The following TAFA3 variants were observed in gnomAD, a reference collection of about 807,000 sequenced individuals.
The protein encoded by TAFA3 is TAFA chemokine like family member 3, also known as chemokine-like protein TAFA-3.
In TAFA3, 17 loss-of-function variants were observed where a neutral mutation model predicts 20.7. The ratio of observed to expected loss-of-function variants is 0.82; its 90% CI spans 0.56 to 1.23. The LOEUF is 1.23. Ranked by LOEUF, TAFA3 falls within the 50% of genes most tolerant of loss-of-function variation. The probability of loss-of-function intolerance (pLI) is 0.00; values close to 1 mark genes in which losing one functional copy is unlikely to be tolerated. For synonymous variants in TAFA3, 74 were observed against 71.8 expected (o/e 1.03, Z -0.16); for missense variants, 174 against 172.8 (o/e 1.01, Z -0.04).
intron 3 of TAFA3, among the ~76,000 whole-genome samples, chr1:112,722,645 C>G (rs1248722584): frequency 6.6e-6 from 1 of 152,102 alleles, no homozygotes; most frequent in East Asian, 1.9e-4. Flanking sequence ...TGGCCTAATT[C>G]TATGGTTTTC....
At chr1:112,722,106 G>A (rs1025041375) in intron 2 of TAFA3, 127 bp from the exon 3 acceptor site, 16 of 910,694 alleles carry the variant, frequency 1.8e-5, no homozygotes, top group Non-Finnish European at 2.6e-5. Flanking sequence ...GTCGAAAGAT[G>A]CCTGGGGACA....
intron 4 of TAFA3, among the ~76,000 whole-genome samples, chr1:112,723,735 G>A (rs949290985): frequency 1.3e-5 from 2 of 152,220 alleles, no homozygotes; most frequent in Admixed American, 1.3e-4. Flanking sequence ...ATCGATGCTA[G>A]TGACATGGTC....
chr1:112,725,691 C>T (rs1195788694), intron 5 of TAFA3, among the ~76,000 whole-genome samples: 1 of 152,160 alleles, frequency 6.6e-6, no homozygotes, highest in African/African-American at 2.4e-5. Context: ...TTATCAAACT[C>T]GTTAGCAGCT....
chr1:112,723,163 A>G lies in TAFA3; in HGVS notation c.263A>G (p.Asp88Gly), dbSNP rs1268288384. 6.2e-7 allele frequency: 1 copy of G among 1,612,308 alleles called. No individual in the cohort carries two copies. Among genetic ancestry groups the G allele is most frequent in the Non-Finnish European group, 8.5e-7 (1 of 1,179,634 alleles). The part of the protein sequence containing the change: ...GTTRAKPSCV[D>G]ASIVLQRWWC... ...ACGCGGGCAAAGCCCTCCTGCGTGG[A>G]CGGTGAGTGAGAGGCCAGGACCCGG... The change falls in exon 4 of 6, where the codon GAC becomes GGC. Residue 88 changes from aspartate (D) to glycine (G), a missense_variant and splice_region_variant. Coordinates refer to ENST00000361886, the MANE Select transcript of TAFA3 (RefSeq NM_182759.3).
At chr1:112,719,558 G>A (rs941763634) in intron 1 of TAFA3, among the ~76,000 whole-genome samples, 2 of 152,046 alleles carry the variant, frequency 1.3e-5, no homozygotes, top group African/African-American at 4.8e-5. Context: ...AGGGAGGGAG[G>A]GAATAGAATG....
In TAFA3 at chr1:112,719,311, G is replaced by A. The variant is rs557340512; in HGVS notation, c.-60+12G>A. Among the ~76,000 whole-genome samples the A allele has an allele frequency of 6.6e-6, 1 of 152,360 alleles. No homozygotes were observed. Among genetic ancestry groups the A allele is most frequent in the East Asian group, 1.9e-4 (1 of 5,176 alleles). On this transcript the variant is annotated intron_variant, in intron 1 of 5. Coordinates refer to ENST00000361886, the MANE Select transcript of TAFA3 (RefSeq NM_182759.3). ...TCACCGTGGACCAGGTAGGTCCCAG[G>A]TGTGGGGGCTCAGAATGTGGAGGAA... is the stretch of plus-strand genomic sequence containing the variant.
intron 1 of TAFA3, among the ~76,000 whole-genome samples, 71 bp downstream of exon 1, chr1:112,719,370 A>T (rs944907697): frequency 6.6e-6 from 1 of 152,200 alleles, no homozygotes; most frequent in Non-Finnish European, 1.5e-5. Flanking sequence ...TGGGGAGAGA[A>T]GGTGAAGAAA....
At chr1:112,723,898 C>A (rs1425095778) in intron 4 of TAFA3, 115 bp from the exon 5 acceptor site, 3 of 1,603,510 alleles carry the variant, frequency 1.9e-6, no homozygotes, top group Non-Finnish European at 2.6e-6. Flanking sequence ...AAGGGAAATG[C>A]ATGGCTCAAG....
intron 4 of TAFA3, 106 bp from the exon 5 acceptor site, chr1:112,723,907 A>G (rs1190172799): frequency 6.2e-7 from 1 of 1,608,816 alleles, no homozygotes; most frequent in Admixed American, 1.7e-5. Flanking sequence ...GCATGGCTCA[A>G]GGCCAGGGGT....
chr1:112,721,889 T>G (rs1675337295), intron 2 of TAFA3, among the ~76,000 whole-genome samples: 1 of 152,208 alleles, frequency 6.6e-6, no homozygotes, highest in Non-Finnish European at 1.5e-5. Context: ...TGTAGGACAG[T>G]TGTGAAGAAT....
chr1:112,722,339 A>G lies in TAFA3; in HGVS notation c.106A>G (p.Thr36Ala), dbSNP rs1290898194. 1.2e-6 allele frequency: 2 copies of G among 1,613,238 alleles called. No individual in the cohort carries two copies. The highest frequency in any genetic ancestry group is 1.7e-6 in the Non-Finnish European group (2 of 1,179,906). ...GACCTTGGCTGCCTTGCAGCCTCCC[A>G]CTGCCACAGGTTTGGAGGAGGTGGC... ...HLTLAALQPP[T>A]ATVLVQQGTC... Residue 36 changes from threonine (T) to alanine (A), a missense_variant, in exon 3 of 6, where the codon ACT (threonine) becomes GCT (alanine). By Grantham distance (58) the Thr-to-Ala change is moderately conservative (BLOSUM62 0). Coordinates refer to ENST00000361886, the MANE Select transcript of TAFA3 (RefSeq NM_182759.3).
chr1:112,726,502 C>T, intron 5 of TAFA3, 127 bp from the exon 6 acceptor site: 1 of 943,216 alleles, frequency 1.1e-6, no homozygotes. Flanking sequence ...CCATTCCGGC[C>T]TGCTTTAGGG....
rs569820817 is a variant in TAFA3 at position 112,718,985 on chromosome 1, C to T, written c.-374C>T. Among the ~76,000 whole-genome samples, 882 of 152,312 alleles carry T rather than the reference C, an allele frequency of 5.8e-3. 8 individuals are homozygous for T. The highest frequency in any genetic ancestry group is 0.01 in the Middle Eastern group (3 of 292). ...CGGGGCGAGGCGGCGGTTGCGGCGG[C>T]GGCTGCGCGCTCCCCGGCCTGCCGG... On this transcript the variant is annotated 5_prime_UTR_variant, in exon 1 of 6. Coordinates refer to ENST00000361886, the MANE Select transcript of TAFA3 (RefSeq NM_182759.3).
rs116440679 is a variant in TAFA3 at position 112,727,076 on chromosome 1, A to G, written c.*436A>G. ...AAACAAGAGGTCACATTCAGCACCC[A>G]CCACCTCCCTCTTTCGCATCAGTTC... On this transcript the variant is annotated 3_prime_UTR_variant, in exon 6 of 6. Coordinates refer to ENST00000361886, the MANE Select transcript of TAFA3 (RefSeq NM_182759.3). The G allele has an allele frequency of 0.016, 2,789 of 177,370 alleles. 91 individuals carry two copies. The highest frequency in any genetic ancestry group is 0.063 in the African/African-American group (2,665 of 42,354). 11.0% of individuals were successfully genotyped at this position (177,370 alleles called of 1,614,324 possible). A position where few individuals can be genotyped will look rare whatever the true frequency, so the allele number is the denominator to read the frequency against.
At chr1:112,724,680 T>C (rs1675417880) in intron 5 of TAFA3, among the ~76,000 whole-genome samples, 1 of 147,986 alleles carries the variant, frequency 6.8e-6, no homozygotes, top group Non-Finnish European at 1.5e-5. Flanking sequence ...ATATACCTAA[T>C]GCTAGATGAC....
rs567383508 is a variant in TAFA3 at position 112,726,820 on chromosome 1, A to C, written c.*180A>C. 2.2e-5 allele frequency: 19 copies of C among 864,728 alleles called. No homozygotes were observed. In the African/African-American group the frequency reaches 2.5e-4, roughly 11 times the overall value. The allele number at this position is 864,728 out of a possible 1,614,324, so 53.6% of individuals were successfully genotyped here. The stretch of plus-strand genomic sequence containing the variant: ...AGCAGATATGGATGGATCTGCAATC[A>C]CATACCTAATGTGGAGCTGGGCTTT... On this transcript the variant is annotated 3_prime_UTR_variant, in exon 6 of 6. Transcript: ENST00000361886.
Position 112,727,037 on chromosome 1 carries a change from G to A in TAFA3, c.*397G>A, listed in dbSNP as rs563408306. On this transcript the variant is annotated 3_prime_UTR_variant, in exon 6 of 6. Transcript: ENST00000361886. ...CCCACAGTTCTTCAGATACCCTGTG[G>A]CCACAGGGCATAGAAACAAGAGGTC... The A allele has an allele frequency of 1.6e-4, 35 of 219,960 alleles. No homozygotes were observed. The highest frequency in any genetic ancestry group is 7.4e-4 in the African/African-American group (32 of 43,506). The allele number at this position is 219,960 out of a possible 1,614,324, so 13.6% of individuals were successfully genotyped here. A position where few individuals can be genotyped will look rare whatever the true frequency, so the allele number is the denominator to read the frequency against.
At chr1:112,719,698 A>C (rs898005041) in intron 1 of TAFA3, among the ~76,000 whole-genome samples, 1 of 152,120 alleles carries the variant, frequency 6.6e-6, no homozygotes, top group African/African-American at 2.4e-5. Context: ...AGAGGGAAAT[A>C]GGATCACCTG....
intron 5 of TAFA3, among the ~76,000 whole-genome samples, chr1:112,726,136 CAAAAAAAG>C (rs1321957491): frequency 2.7e-5 from 4 of 149,684 alleles, no homozygotes; most frequent in South Asian, 4.2e-4. Flanking sequence ...GACTCCATCT[CAAAAAAAG>C]AAAAAAAGAA....
Sources: gnomAD v4.1 joint callset for allele counts (sites outside exome capture counted in the v4.1 genomes callset) on GRCh38, gnomAD v4.1.1 for gene constraint, MANE v1.5 for transcripts, NCBI Gene and HGNC (gene_info 2026-07-23, HGNC 2026-07-21) for gene names.